The following ZC3H6 variants were observed in gnomAD, a reference collection of about 807,000 sequenced individuals.
ZC3H6 encodes the protein zinc finger CCCH domain-containing protein 6.
A neutral mutation model predicts 107.7 loss-of-function variants in ZC3H6; 40 were observed. That is an observed-to-expected ratio of 0.37 (90% CI 0.29 to 0.48). The LOEUF is 0.48. ZC3H6 is among the 20% of genes least tolerant of loss of function. The pLI, the probability that ZC3H6 is intolerant of heterozygous loss-of-function variation, is 0.98. For synonymous variants in ZC3H6, 493 were observed against 487.9 expected (o/e 1.01, Z -0.14); for missense variants, 1,267 against 1,410.4 (o/e 0.90, Z 1.63).
intron 1 of ZC3H6, among the ~76,000 whole-genome samples, chr2:112,297,030 T>C (rs1005205261): frequency 6.6e-6 from 1 of 152,202 alleles, no homozygotes; most frequent in East Asian, 1.9e-4. Flanking sequence ...GTGAGGCTGG[T>C]GACATGAGCT....
intron 1 of ZC3H6, among the ~76,000 whole-genome samples, chr2:112,283,759 T>C (rs1279770789): frequency 3.9e-5 from 6 of 152,346 alleles, no homozygotes; most frequent in African/African-American, 1.4e-4. Flanking sequence ...CATCTTTCCC[T>C]TGCTTCATAA....
intron 1 of ZC3H6, among the ~76,000 whole-genome samples, chr2:112,292,706 AG>A (rs1185045897): frequency 6.6e-6 from 1 of 152,210 alleles, no homozygotes; most frequent in African/African-American, 2.4e-5. Flanking sequence ...AGCAATCTAA[AG>A]CTATGCTGTT....
intron 2 of ZC3H6, among the ~76,000 whole-genome samples, chr2:112,302,439 G>A (rs1676398095): frequency 1.3e-5 from 2 of 151,982 alleles, no homozygotes; most frequent in African/African-American, 4.8e-5. Context: ...CCTTGTAAAA[G>A]CATCAGAGTT....
Position 112,324,460 on chromosome 2 carries a change from C to T in ZC3H6, c.1649C>T (p.Ala550Val), listed in dbSNP as rs1676866986. 4 of 1,613,926 alleles carry T rather than the reference C, an allele frequency of 2.5e-6. No individual in the cohort carries two copies. In the East Asian group the frequency reaches 8.9e-5, roughly 36 times the overall value. The change falls in exon 10 of 12, where the codon GCT (alanine) becomes GTT (valine). Residue 550 changes from alanine (A) to valine (V), a missense_variant. Transcript: ENST00000409871. ...TTGACACCACCAAGTATGGGTGGGG[C>T]TTACCACTCCCCAGGCTTTCCAGGA... ...TSLTPPSMGG[A>V]YHSPGFPGHV...
At chr2:112,330,677 GGAAAGGTCCTGCCTTTTCTCT>G (rs1292861160) in intron 11 of ZC3H6, among the ~76,000 whole-genome samples, 31 of 152,168 alleles carry the variant, frequency 2.0e-4, no homozygotes, top group Middle Eastern at 3.4e-3. Context: ...CCAGTTGGAA[GGAAAGGTCCTGCCTTTTCTCT>G]GACTGGAAGG....
intron 5 of ZC3H6, among the ~76,000 whole-genome samples, chr2:112,314,036 C>G (rs185322810): frequency 6.6e-6 from 1 of 152,134 alleles, no homozygotes; most frequent in African/African-American, 2.4e-5. Context: ...CCTGGTAGAT[C>G]CTTACATTTC....
chr2:112,302,376 T>A (rs892013568), intron 2 of ZC3H6, among the ~76,000 whole-genome samples: 1 of 152,110 alleles, frequency 6.6e-6, no homozygotes, highest in Non-Finnish European at 1.5e-5. Context: ...GGAAAGCAAT[T>A]TGTCTTTCCT....
chr2:112,338,737 TAAAG>T lies in ZC3H6; in HGVS notation c.*6253_*6256del, dbSNP rs1368602237. 3 of 151,438 alleles carry T rather than the reference TAAAG, an allele frequency of 2.0e-5. No homozygotes were observed. Among genetic ancestry groups the T allele is most frequent in the Non-Finnish European group, 4.4e-5 (3 of 67,842 alleles). The allele number at this position is 151,438 out of a possible 1,614,324, so 9.4% of individuals were successfully genotyped here. On this transcript the variant is annotated 3_prime_UTR_variant, in exon 12 of 12. Coordinates refer to ENST00000409871, the MANE Select transcript of ZC3H6 (RefSeq NM_198581.3). ...CAGAGGTCTGATATGTAATTTATTG[TAAAG>T]AAATTAAATATATAGAGGCTCAATT...
chr2:112,330,932 TTATAATATA>T, intron 11 of ZC3H6, 64 bp from the exon 12 acceptor site: 1 of 638,440 alleles, frequency 1.6e-6, no homozygotes, highest in Non-Finnish European at 2.1e-6. Flanking sequence ...TAATTTATAA[TTATAATATA>T]ATAATTTTAT....
Position 112,275,981 on chromosome 2 carries a change from G to A in ZC3H6, c.-14G>A, listed in dbSNP as rs748417583. 2.0e-6 allele frequency: 3 copies of A among 1,535,068 alleles called. No individual in the cohort carries two copies. The highest frequency in any genetic ancestry group is 1.4e-5 in the African/African-American group (1 of 70,602). On this transcript the variant is annotated 5_prime_UTR_variant, in exon 1 of 12. Coordinates refer to ENST00000409871, the MANE Select transcript of ZC3H6 (RefSeq NM_198581.3). The stretch of plus-strand genomic sequence containing the variant: ...CAGACCTGCCCTCCAGCCCCGCCCC[G>A]TTCTTGACCAAACATGACAGACTCT...
At chr2:112,319,646 A>C (rs945104626) in intron 7 of ZC3H6, among the ~76,000 whole-genome samples, 16 of 145,894 alleles carry the variant, frequency 1.1e-4, no homozygotes, top group African/African-American at 3.2e-4. Flanking sequence ...ACTCTGTCTC[A>C]AAAAAAAAAA....
Position 112,335,096 on chromosome 2 carries a change from A to G in ZC3H6, c.*2608A>G, listed in dbSNP as rs1424261256. On this transcript the variant is annotated 3_prime_UTR_variant, in exon 12 of 12. Transcript: ENST00000409871. The stretch of plus-strand genomic sequence containing the variant: ...ATGGAACACACAGAAGATCATGACA[A>G]TTGAGATTCAGCAACTGCTGTCTCA... 6.6e-6 allele frequency: 1 copy of G among 152,212 alleles called. No homozygotes were observed. The highest frequency in any genetic ancestry group is 1.9e-4 in the East Asian group (1 of 5,206). The allele number at this position is 152,212 out of a possible 1,614,324, so 9.4% of individuals were successfully genotyped here. A position where few individuals can be genotyped will look rare whatever the true frequency, so the allele number is the denominator to read the frequency against.
intron 2 of ZC3H6, among the ~76,000 whole-genome samples, chr2:112,302,728 C>G (rs1676403622): frequency 6.6e-6 from 1 of 152,074 alleles, no homozygotes; most frequent in Non-Finnish European, 1.5e-5. Context: ...CTTTTCATTT[C>G]ACTTTTGTTC....
intron 4 of ZC3H6, among the ~76,000 whole-genome samples, chr2:112,311,536 T>C (rs1676591951): frequency 6.6e-6 from 1 of 152,182 alleles, no homozygotes; most frequent in Non-Finnish European, 1.5e-5. Context: ...GATCTTATGC[T>C]AAGGAAAATT....
At chr2:112,314,774 G>C (rs969458383) in intron 5 of ZC3H6, among the ~76,000 whole-genome samples, 2 of 152,070 alleles carry the variant, frequency 1.3e-5, no homozygotes, top group Non-Finnish European at 2.9e-5. Flanking sequence ...AAATGTTTGT[G>C]AATCAAATTT....
At chr2:112,317,161 TTTGTTTCTCA>T (rs1676711724) in intron 6 of ZC3H6, 50 bp from the exon 7 acceptor site, 2 of 971,412 alleles carry the variant, frequency 2.1e-6, no homozygotes, top group African/African-American at 1.7e-5. Context: ...CTGTTGTTTC[TTTGTTTCTCA>T]TTGTTTCTTA....
At chr2:112,276,320 C>T (rs1421735153) in intron 1 of ZC3H6, among the ~76,000 whole-genome samples, 1 of 150,952 alleles carries the variant, frequency 6.6e-6, no homozygotes, top group East Asian at 1.9e-4. Context: ...CCGGGCGGCT[C>T]TCAGCGTCCC....
At position 112,330,848 on chromosome 2, in the gene ZC3H6, A is replaced by G. The variant is rs562199939; in HGVS notation, c.2087-157A>G. On this transcript the variant is annotated intron_variant, in intron 11 of 11. Coordinates refer to ENST00000409871, the MANE Select transcript of ZC3H6 (RefSeq NM_198581.3). ...ATGCATTTTCTTGAAGTTAGATTAT[A>G]CTTATTTCAGAAATAGTATGTGTTT... Among the ~76,000 whole-genome samples, 15 of 152,000 alleles carry G rather than the reference A, an allele frequency of 9.9e-5. No individual in the cohort carries two copies. The East Asian group carries it at 2.9e-3, about 29-fold the overall frequency.
intron 1 of ZC3H6, among the ~76,000 whole-genome samples, chr2:112,288,987 T>TCC (rs1676020993): frequency 1.2e-5 from 1 of 81,148 alleles, no homozygotes; most frequent in Admixed American, 1.1e-4. Context: ...CTCTTCTCAC[T>TCC]GCCCACCCCC....
Sources: gnomAD v4.1 joint callset for allele counts (sites outside exome capture counted in the v4.1 genomes callset) on GRCh38, gnomAD v4.1.1 for gene constraint, MANE v1.5 for transcripts, NCBI Gene and HGNC (gene_info 2026-07-23, HGNC 2026-07-21) for gene names.